Variants in NBPF3 observed in about 807,000 individuals in gnomAD.
The protein encoded by NBPF3 is NBPF member 3, also known as NBPF family member NBPF3.
In NBPF3, 57 loss-of-function variants were observed where a neutral mutation model predicts 78.1. The ratio of observed to expected loss-of-function variants is 0.73; its 90% CI spans 0.59 to 0.91. NBPF3 has a LOEUF of 0.91. NBPF3 is among the 40% of genes least tolerant of loss of function. The pLI, the probability that NBPF3 is intolerant of heterozygous loss-of-function variation, is 0.00. For missense variants in NBPF3, 510 were observed against 715.3 expected, an observed-to-expected ratio of 0.71 and a Z score of 3.27; for synonymous variants, 182 against 271.7, an observed-to-expected ratio of 0.67 and a Z score of 3.25.
intron 13 of NBPF3, among the ~76,000 whole-genome samples, chr1:21,482,201 A>G (rs1440126352): frequency 6.7e-6 from 1 of 149,886 alleles, no homozygotes; most frequent in Non-Finnish European, 1.5e-5. Flanking sequence ...CATTTGCTTT[A>G]AATTGATTGG....
At chr1:21,479,438 G>A in intron 10 of NBPF3, 38 bp downstream of exon 10, 1 of 1,574,696 alleles carries the variant, frequency 6.4e-7, no homozygotes, top group Non-Finnish European at 8.7e-7. Context: ...ATTTGATGTT[G>A]ACACCTGGAG....
intron 7 of NBPF3, 87 bp from the exon 8 acceptor site, chr1:21,474,813 G>A (rs1642803412): frequency 8.1e-7 from 1 of 1,228,276 alleles, no homozygotes; most frequent in East Asian, 2.6e-5. Flanking sequence ...GAATAGTTAT[G>A]TCCTTGTCCT....
chr1:21,444,864 C>T (rs760713839), intron 1 of NBPF3, 84 bp from the exon 2 acceptor site: 3 of 461,100 alleles, frequency 6.5e-6, no homozygotes, highest in Non-Finnish European at 1.2e-5. Flanking sequence ...TCTTCCCAGT[C>T]TCCGTAAATG....
At chr1:21,483,001 A>G in intron 14 of NBPF3, 142 bp from the exon 15 acceptor site, 1 of 795,542 alleles carries the variant, frequency 1.3e-6, no homozygotes. Context: ...CCCAACATAA[A>G]GGCAATAATT....
In NBPF3 at chr1:21,460,828, G is replaced by GA. The variant is rs2147950254; in HGVS notation, c.134-7858dup. 6.6e-6 allele frequency among the ~76,000 whole-genome samples: 1 copy of GA among 152,082 alleles called. No homozygotes were observed. Among genetic ancestry groups the GA allele is most frequent in the African/African-American group, 2.4e-5 (1 of 41,480 alleles). ...AACTTAAAAGCTATCTGTAGACCAG[G>GA]AATAGCAAATAATTATTTGCTATAT... On this transcript the variant is annotated intron_variant, in intron 2 of 14. Transcript: ENST00000318249. This position sits in a 1 kb window ranked among gnomAD's most constrained non-coding sequence, Gnocchi z 4.2.
chr1:21,469,575 A>G (rs1642471893), intron 3 of NBPF3, among the ~76,000 whole-genome samples: 1 of 152,110 alleles, frequency 6.6e-6, no homozygotes, highest in African/African-American at 2.4e-5. Context: ...AAATACAAAC[A>G]TTAGCTGGGC....
chr1:21,448,334 T>A (rs116144747), intron 2 of NBPF3, among the ~76,000 whole-genome samples: 5,371 of 152,040 alleles, frequency 0.035, 121 homozygotes, highest in Middle Eastern at 0.065. Context: ...TATTATTATT[T>A]TTTTTTTTTG....
At position 21,444,459 on chromosome 1, in the gene NBPF3, C is replaced by A. The variant is rs1457997389; in HGVS notation, c.-139-489C>A. On this transcript the variant is annotated intron_variant, in intron 1 of 14. Transcript: ENST00000318249. ...AGCATTAACTAACAACACCCACACT[C>A]TCTTAATTCCCTAACAAAAATAATG... is the stretch of plus-strand genomic sequence containing the variant. Among the ~76,000 whole-genome samples, 3 of 152,338 alleles carry A rather than the reference C, an allele frequency of 2.0e-5. No individual in the cohort carries two copies. The East Asian group carries it at 5.8e-4, about 29-fold the overall frequency.
rs190069909 is a variant in NBPF3, at chr1:21,443,396, C to A, written c.-139-1552C>A. On this transcript the variant is annotated intron_variant, in intron 1 of 14. Coordinates refer to ENST00000318249, the MANE Select transcript of NBPF3 (RefSeq NM_032264.6). ...TAGATGTTATTTGAGCCTCACAGAG[C>A]TGCAGTTTTGACTCTTTTATTTATT... Among the ~76,000 whole-genome samples the A allele has an allele frequency of 2.0e-4, 30 of 152,248 alleles. 2 individuals carry two copies. In the East Asian group the frequency reaches 5.4e-3, roughly 27 times the overall value.
upstream of NBPF3, among the ~76,000 whole-genome samples, chr1:21,437,947 G>C (rs1011488151): frequency 6.6e-6 from 1 of 151,756 alleles, no homozygotes; most frequent in Non-Finnish European, 1.5e-5. Context: ...CTTAGCCTCC[G>C]AGTAGCTGGG....
Position 21,478,301 on chromosome 1 carries a change from A to G in NBPF3, c.1150A>G (p.Ile384Val). ...ACAGCAAGTCGGCTTGGCTCTTGAC[A>G]TAGGCAGTGAGTACTCCATTTTGAA... is the stretch of plus-strand genomic sequence containing the variant. ...EEQQVGLALD[I>V]GRHWCDQVKK... The change falls in exon 9 of 15, where the codon ATA becomes GTA. Residue 384 changes from isoleucine (I) to valine (V), a missense_variant. By Grantham distance (29) the Ile-to-Val change is conservative. Coordinates refer to ENST00000318249, the MANE Select transcript of NBPF3 (RefSeq NM_032264.6). 1 of 1,613,758 alleles carries G rather than the reference A, an allele frequency of 6.2e-7. No individual in the cohort carries two copies. The highest frequency in any genetic ancestry group is 8.5e-7 in the Non-Finnish European group (1 of 1,179,944).
At chr1:21,469,427 T>C (rs779901552) in intron 3 of NBPF3, among the ~76,000 whole-genome samples, 1 of 152,104 alleles carries the variant, frequency 6.6e-6, no homozygotes, top group Non-Finnish European at 1.5e-5. Context: ...AGTGACAGCA[T>C]CAAGAGCAGG....
In NBPF3 at chr1:21,460,415, C is replaced by T. The variant is rs1227830611; in HGVS notation, c.134-8273C>T. Among the ~76,000 whole-genome samples the T allele has an allele frequency of 2.0e-5, 3 of 152,144 alleles. No individual in the cohort carries two copies. Among genetic ancestry groups the T allele is most frequent in the African/African-American group, 4.8e-5 (2 of 41,432 alleles). On this transcript the variant is annotated intron_variant, in intron 2 of 14. Coordinates refer to ENST00000318249, the MANE Select transcript of NBPF3 (RefSeq NM_032264.6). This position sits in a 1 kb window ranked among gnomAD's most constrained non-coding sequence, Gnocchi z 4.2. ...ACAGGCCGTGGTGTGTGATGTTCCC[C>T]GCCCTGTGTCCAAGTGTTCTCATTG...
At chr1:21,481,566 G>C in intron 12 of NBPF3, 31 bp from the exon 13 acceptor site, 1 of 1,607,364 alleles carries the variant, frequency 6.2e-7, no homozygotes, top group African/African-American at 1.3e-5. Context: ...GATTTCCCCT[G>C]GCTTATTCTT....
intron 10 of NBPF3, among the ~76,000 whole-genome samples, chr1:21,479,818 CTCTG>C (rs1253689495): frequency 3.1e-3 from 134 of 43,922 alleles, no homozygotes; most frequent in South Asian, 0.011. Context: ...CTCTCTCTCT[CTCTG>C]TGTGTGTGTG....
chr1:21,468,695 C>T lies in NBPF3; in HGVS notation c.141C>T (p.Gly47=), dbSNP rs766199947. Residue 47 remains glycine (G), a synonymous_variant, in exon 3 of 15, where the codon GGC becomes GGT. Coordinates refer to ENST00000318249, the MANE Select transcript of NBPF3 (RefSeq NM_032264.6). The part of the protein sequence containing the change: ...HQELRDPTVP[G]PTSSATNVSM... ...TGGGTGTCTTCTCCCCAGTCCCTGG[C>T]CCCACCTCTTCTGCCACAAACGTCA... 66 of 1,612,962 alleles carry T rather than the reference C, an allele frequency of 4.1e-5. No homozygotes were observed. The highest frequency in any genetic ancestry group is 5.3e-5 in the Non-Finnish European group (62 of 1,179,170).
intron 2 of NBPF3, among the ~76,000 whole-genome samples, chr1:21,448,577 G>C (rs1465643998): frequency 1.3e-5 from 2 of 152,130 alleles, no homozygotes; most frequent in African/African-American, 4.8e-5. Flanking sequence ...CCAGACGTCA[G>C]GGGGGTTTTC....
chr1:21,453,441 C>G (rs925317620), intron 2 of NBPF3: 4 of 152,184 alleles, frequency 2.6e-5, no homozygotes, highest in African/African-American at 7.2e-5. Flanking sequence ...GTGAGGAGAA[C>G]AGCGGCATGC....
rs1469955873 is a variant in NBPF3 at position 21,478,198 on chromosome 1, T to C, written c.1047T>C (p.Gly349=). 1.2e-6 allele frequency: 2 copies of C among 1,613,974 alleles called. No homozygotes were observed. Among genetic ancestry groups the C allele is most frequent in the East Asian group, 2.2e-5 (1 of 44,872 alleles). The change falls in exon 9 of 15, where the codon GGT becomes GGC. Residue 349 remains glycine, a synonymous_variant. Transcript: ENST00000318249. Reference sequence around the variant, plus strand: ...CCCCCCAGGAGTCCTGGGATGAAGGTGATTGGACTCTCTCAATTCCTCCTG... The same window carrying C: ...CCCCCCAGGAGTCCTGGGATGAAGGCGATTGGACTCTCTCAATTCCTCCTG... ...EEAPQESWDE[G]DWTLSIPPDM... is the part of the protein sequence containing the mutation.
Sources: gnomAD v4.1 joint callset for allele counts (sites outside exome capture counted in the v4.1 genomes callset) on GRCh38, gnomAD v4.1.1 for gene constraint, Gnocchi (gnomAD v3.1) non-coding constraint, MANE v1.5 for transcripts, NCBI Gene and HGNC (gene_info 2026-07-23, HGNC 2026-07-21) for gene names.